KIF26B: variants seen among roughly 807,000 people sequenced by gnomAD.
KIF26B encodes kinesin family member 26B.
A neutral mutation model predicts 151.2 loss-of-function variants in KIF26B; 63 were observed. That is an observed-to-expected ratio of 0.42 (90% CI 0.34 to 0.51). The LOEUF (loss-of-function observed/expected upper bound fraction) is 0.51, where lower values mean the gene tolerates loss of function less well. Among genes scored for constraint, KIF26B ranks in the 20% least tolerant of loss-of-function variants. KIF26B has a pLI of 0.07. For synonymous variants in KIF26B, 1,357 were observed against 1,262.1 expected (o/e 1.08, Z -1.59); for missense variants, 2,813 against 2,913.6 (o/e 0.97, Z 0.79).
At position 245,266,601 on chromosome 1, in the gene KIF26B, G is replaced by A. The variant is rs564515126; in HGVS notation, c.466-100233G>A. On this transcript the variant is annotated intron_variant, in intron 2 of 14. Coordinates refer to ENST00000407071, the MANE Select transcript of KIF26B (RefSeq NM_018012.4). The stretch of plus-strand genomic sequence containing the variant: ...TGGCTCACTGCAACCTCCGCTTCCC[G>A]GGTTCAAGCAATTCCCTGCTTCAGC... 3.3e-5 allele frequency among the ~76,000 whole-genome samples: 5 copies of A among 151,838 alleles called. No individual in the cohort carries two copies. In the South Asian group the frequency reaches 8.3e-4, roughly 25 times the overall value.
intron 2 of KIF26B, among the ~76,000 whole-genome samples, chr1:245,175,981 T>TATAG (rs1668800221): frequency 6.7e-6 from 1 of 148,592 alleles, no homozygotes. Context: ...GACATCTATA[T>TATAG]ATATAGATAT....
chr1:245,248,631 C>G (rs1473690248), intron 2 of KIF26B, among the ~76,000 whole-genome samples: 1 of 152,192 alleles, frequency 6.6e-6, no homozygotes, highest in Non-Finnish European at 1.5e-5. Flanking sequence ...ACAGCAGGCT[C>G]CGATAACACT....
At chr1:245,662,824 C>T (rs1167854951) in intron 10 of KIF26B, among the ~76,000 whole-genome samples, 1 of 62,540 alleles carries the variant, frequency 1.6e-5, no homozygotes, top group Non-Finnish European at 3.6e-5. Context: ...TGCTTGAACA[C>T]AGACTTCCAA....
intron 3 of KIF26B, among the ~76,000 whole-genome samples, chr1:245,370,314 G>T (rs768919133): frequency 6.6e-6 from 1 of 151,786 alleles, no homozygotes; most frequent in Non-Finnish European, 1.5e-5. Flanking sequence ...TATTTTCCAC[G>T]CTATGGAGAT....
In KIF26B at chr1:245,609,420, G is replaced by A. The variant is rs1394092556; in HGVS notation, c.1806G>A (p.Gly602=). The A allele has an allele frequency of 6.2e-7, 1 of 1,608,778 alleles. No individual in the cohort carries two copies. Among genetic ancestry groups the A allele is most frequent in the East Asian group, 2.2e-5 (1 of 44,738 alleles). The change falls in exon 8 of 15, where the codon GGG becomes GGA. Residue 602 remains glycine (G), a synonymous_variant. Transcript: ENST00000407071. ...GGGTTTCCGCCGTGGAAGTGTGGGGGAAGGAGGAGAACCTGCGGGACCTGC... is the reference window on the plus strand; with the variant it reads ...GGGTTTCCGCCGTGGAAGTGTGGGGAAAGGAGGAGAACCTGCGGGACCTGC... ...SVRVSAVEVW[G]KEENLRDLLS... is the part of the protein sequence containing the mutation.
chr1:245,628,644 T>C (rs552366105), intron 9 of KIF26B, among the ~76,000 whole-genome samples: 96 of 152,250 alleles, frequency 6.3e-4, no homozygotes, highest in Non-Finnish European at 1.1e-3. Context: ...CCATAGCCAA[T>C]ATCATAATGG....
At chr1:245,430,154 G>T (rs951683857) in intron 4 of KIF26B, among the ~76,000 whole-genome samples, 1 of 152,088 alleles carries the variant, frequency 6.6e-6, no homozygotes, top group African/African-American at 2.4e-5. Flanking sequence ...TGAACTGGGG[G>T]CTGAAGAGGG....
intron 9 of KIF26B, among the ~76,000 whole-genome samples, chr1:245,614,237 T>C (rs1572158956): frequency 6.6e-6 from 1 of 152,124 alleles, no homozygotes; most frequent in Admixed American, 6.5e-5. Context: ...TACAGTGGCG[T>C]GATCTCGGCT....
At chr1:245,454,165 G>A (rs957260251) in intron 4 of KIF26B, among the ~76,000 whole-genome samples, 1 of 152,198 alleles carries the variant, frequency 6.6e-6, no homozygotes, top group Non-Finnish European at 1.5e-5. Context: ...TTTTATGAGT[G>A]AAGAAGGGAG....
intron 4 of KIF26B, among the ~76,000 whole-genome samples, chr1:245,448,936 C>T (rs1267176400): frequency 6.6e-6 from 1 of 152,208 alleles, no homozygotes; most frequent in Non-Finnish European, 1.5e-5. Context: ...CAGAAGCACC[C>T]AGAAACTATT....
intron 2 of KIF26B, among the ~76,000 whole-genome samples, chr1:245,215,331 C>T (rs969934900): frequency 5.9e-5 from 9 of 152,210 alleles, no homozygotes; most frequent in Admixed American, 2.6e-4. Context: ...CTCCCTTCAC[C>T]GTGCTATTGG....
chr1:245,199,482 C>A (rs1271435575), intron 2 of KIF26B, among the ~76,000 whole-genome samples: 1 of 150,392 alleles, frequency 6.6e-6, no homozygotes, highest in Non-Finnish European at 1.5e-5. Flanking sequence ...ATCCACATAT[C>A]TTTGGTTTTT....
intron 4 of KIF26B, among the ~76,000 whole-genome samples, chr1:245,508,505 G>A (rs1222109229): frequency 6.6e-6 from 1 of 151,862 alleles, no homozygotes; most frequent in Non-Finnish European, 1.5e-5. Context: ...CTCCCCAAGT[G>A]CTGTGTGATC....
At chr1:245,440,302 A>G (rs1659046569) in intron 4 of KIF26B, among the ~76,000 whole-genome samples, 1 of 152,078 alleles carries the variant, frequency 6.6e-6, no homozygotes, top group Non-Finnish European at 1.5e-5. Flanking sequence ...AGAGACTCCC[A>G]TTTGAGAACG....
chr1:245,619,097 G>C lies in KIF26B; in HGVS notation c.2098+7121G>C, dbSNP rs375080290. 8.0e-3 allele frequency among the ~76,000 whole-genome samples: 1,089 copies of C among 135,792 alleles called. 7 individuals carry two copies. The highest frequency in any genetic ancestry group is 0.015 in the Admixed American group (192 of 12,876). The allele number at this position is 135,792 out of a possible 152,430, so 89.1% of individuals were successfully genotyped here. A position where few individuals can be genotyped will look rare whatever the true frequency, so the allele number is the denominator to read the frequency against. ...TAGACTATAGGTTCCTTGAGACAGAGTGCCACAGTGCTGGGGCTGTGTCTG... is the reference window on the plus strand; with the variant it reads ...TAGACTATAGGTTCCTTGAGACAGACTGCCACAGTGCTGGGGCTGTGTCTG... On this transcript the variant is annotated intron_variant, in intron 9 of 14. Coordinates refer to ENST00000407071, the MANE Select transcript of KIF26B (RefSeq NM_018012.4).
In KIF26B at chr1:245,703,551, C is replaced by T. The variant is rs1208263772; in HGVS notation, c.*945C>T. On this transcript the variant is annotated 3_prime_UTR_variant, in exon 15 of 15. Coordinates refer to ENST00000407071, the MANE Select transcript of KIF26B (RefSeq NM_018012.4). ...CCTCAAGTCCTCCACACATGTGGTTCCTTGACCCACAAATCCACAGTTTGC... is the reference window on the plus strand; with the variant it reads ...CCTCAAGTCCTCCACACATGTGGTTTCTTGACCCACAAATCCACAGTTTGC... The T allele has an allele frequency of 6.6e-6, 1 of 152,210 alleles. No homozygotes were observed. Among genetic ancestry groups the T allele is most frequent in the Non-Finnish European group, 1.5e-5 (1 of 68,038 alleles). 9.4% of individuals were successfully genotyped at this position (152,210 alleles called of 1,614,324 possible).
At chr1:245,185,384 T>G (rs1190471711) in intron 2 of KIF26B, among the ~76,000 whole-genome samples, 2 of 151,970 alleles carry the variant, frequency 1.3e-5, no homozygotes, top group Non-Finnish European at 2.9e-5. Context: ...GGTAATCAGG[T>G]GGCGGAGATA....
At chr1:245,286,976 G>T (rs1013193618) in intron 2 of KIF26B, among the ~76,000 whole-genome samples, 2 of 152,096 alleles carry the variant, frequency 1.3e-5, no homozygotes, top group Non-Finnish European at 2.9e-5. Flanking sequence ...AGCTATGGTG[G>T]CATGTGCCTG....
intron 4 of KIF26B, among the ~76,000 whole-genome samples, chr1:245,539,897 C>CAA (rs1214470058): frequency 6.6e-5 from 10 of 152,204 alleles, no homozygotes; most frequent in African/African-American, 2.4e-4. Context: ...AGGTGAGCTG[C>CAA]CTGCCTCGGC....
Sources: gnomAD v4.1 joint callset for allele counts (sites outside exome capture counted in the v4.1 genomes callset) on GRCh38, gnomAD v4.1.1 for gene constraint, MANE v1.5 for transcripts, NCBI Gene and HGNC (gene_info 2026-07-23, HGNC 2026-07-21) for gene names.